Variants in SLC25A46 observed in about 807,000 individuals in gnomAD.
The protein encoded by SLC25A46 is mitochondrial outer membrane protein SLC25A46.
In SLC25A46, 39 loss-of-function variants were observed where a neutral mutation model predicts 44.6. The ratio of observed to expected loss-of-function variants is 0.87; its 90% CI spans 0.68 to 1.14. SLC25A46 has a LOEUF of 1.14. Ranked by LOEUF, SLC25A46 falls within the 50% of genes most tolerant of loss-of-function variation. The pLI is 0.00. For missense variants in SLC25A46, 547 were observed against 522.7 expected, an observed-to-expected ratio of 1.05 and a Z score of -0.45; for synonymous variants, 202 against 185.8, an observed-to-expected ratio of 1.09 and a Z score of -0.71.
chr5:110,744,671 G>T (rs1482586628), intron 3 of SLC25A46, among the ~76,000 whole-genome samples: 4 of 152,180 alleles, frequency 2.6e-5, no homozygotes, highest in African/African-American at 9.7e-5. Context: ...ATCATTGACA[G>T]TAAATACTGT....
At chr5:110,760,541 T>C (rs971410854) in intron 7 of SLC25A46, among the ~76,000 whole-genome samples, 2 of 152,188 alleles carry the variant, frequency 1.3e-5, no homozygotes, top group Non-Finnish European at 2.9e-5. Context: ...ATCTGCTACT[T>C]TCCTGCAGTC....
At chr5:110,746,088 A>C (rs1379116417) in intron 3 of SLC25A46, 181 bp from the exon 4 acceptor site, 2 of 563,318 alleles carry the variant, frequency 3.6e-6, no homozygotes, top group African/African-American at 2.0e-5. Context: ...ATAACCATAC[A>C]TACTGTACTT....
At position 110,748,243 on chromosome 5, in the gene SLC25A46, T is replaced by C. The variant is rs763065422; in HGVS notation, c.543T>C (p.Ser181=). The change falls in exon 5 of 8, where the codon AGT becomes AGC. Residue 181 remains serine (S), a synonymous_variant. Transcript: ENST00000355943. ...GVTLGAEGII[S]EFTPLPREVL... is the part of the protein sequence containing the mutation. ...CACTTGGAGCAGAAGGCATAATTAG[T>C]GAATTTACACCTTTGCCAAGGTACC... The C allele has an allele frequency of 8.7e-6, 14 of 1,613,274 alleles. 1 individual carries two copies. The South Asian group carries it at 1.5e-4, about 18-fold the overall frequency.
chr5:110,748,106 C>G (rs1294739532), intron 4 of SLC25A46, 57 bp from the exon 5 acceptor site: 1 of 1,205,294 alleles, frequency 8.3e-7, no homozygotes, highest in Non-Finnish European at 1.2e-6. Context: ...TTATTAAGAT[C>G]TTTTGTGTTT....
chr5:110,738,694 C>A, upstream of SLC25A46: 1 of 232,310 alleles, frequency 4.3e-6, no homozygotes, highest in South Asian at 5.3e-5. Flanking sequence ...GTAGCTGTGA[C>A]ATGGGGTATT....
At chr5:110,754,451 G>C (rs1580865314) in intron 5 of SLC25A46, 1 of 116,112 alleles carries the variant, frequency 8.6e-6, no homozygotes, top group Non-Finnish European at 1.8e-5. Flanking sequence ...CTTTTCTCTT[G>C]ATAGAACTTA....
intron 7 of SLC25A46, chr5:110,757,164 T>C (rs1187343790): frequency 6.5e-6 from 1 of 154,878 alleles, no homozygotes; most frequent in Non-Finnish European, 1.4e-5. Flanking sequence ...AGGAAGCAGG[T>C]TGTCCCCACA....
chr5:110,742,660 G>T lies in SLC25A46; in HGVS notation c.326+571G>T, dbSNP rs573137332. Among the ~76,000 whole-genome samples, 54 of 152,090 alleles carry T rather than the reference G, an allele frequency of 3.6e-4. No homozygotes were observed. The South Asian group carries it at 0.011, about 32-fold the overall frequency. ...CATTCTTTTCATGGGTCTATCCAAA[G>T]AATAAAATGAAATGTAATCTGTCTG... On this transcript the variant is annotated intron_variant, in intron 2 of 7. Transcript: ENST00000355943.
chr5:110,762,814 C>T lies in SLC25A46; in HGVS notation c.*1032C>T, dbSNP rs1388750448. ...TGCCTCTTGTCTAGTATATAGTCACCACTAAATAATGGCTTCCGTTTTTAT... is the reference window on the plus strand; with the variant it reads ...TGCCTCTTGTCTAGTATATAGTCACTACTAAATAATGGCTTCCGTTTTTAT... On this transcript the variant is annotated 3_prime_UTR_variant, in exon 8 of 8. Coordinates refer to ENST00000355943, the MANE Select transcript of SLC25A46 (RefSeq NM_138773.4). 6.6e-6 allele frequency: 1 copy of T among 151,796 alleles called. No individual in the cohort carries two copies. Among genetic ancestry groups the T allele is most frequent in the Non-Finnish European group, 1.5e-5 (1 of 67,886 alleles). The allele number at this position is 151,796 out of a possible 1,614,324, so 9.4% of individuals were successfully genotyped here.
chr5:110,749,253 A>T (rs1458938192), intron 5 of SLC25A46, among the ~76,000 whole-genome samples: 2 of 152,104 alleles, frequency 1.3e-5, no homozygotes, highest in Admixed American at 1.3e-4. Context: ...ATCTTTCAAT[A>T]AATGAAGTTT....
At chr5:110,745,260 TTTTG>T (rs1210523669) in intron 3 of SLC25A46, among the ~76,000 whole-genome samples, 2 of 152,050 alleles carry the variant, frequency 1.3e-5, no homozygotes, top group Non-Finnish European at 2.9e-5. Flanking sequence ...CACTTTTTTT[TTTTG>T]TTTGTTTGAG....
intron 7 of SLC25A46, among the ~76,000 whole-genome samples, chr5:110,757,907 T>C (rs1209824622): frequency 2.6e-5 from 4 of 152,194 alleles, no homozygotes; most frequent in African/African-American, 9.7e-5. Context: ...CCTGGGACTT[T>C]AGACAGATTT....
rs550009551 is a variant in SLC25A46 at position 110,764,742 on chromosome 5, T to C, written c.*2960T>C. ...GTGGAGGATTTTTGTCCACTGATCT[T>C]TTGCAACAGAAAAGCATACTTTGTC... On this transcript the variant is annotated 3_prime_UTR_variant, in exon 8 of 8. Transcript: ENST00000355943. 2 of 152,078 alleles carry C rather than the reference T, an allele frequency of 1.3e-5. No homozygotes were observed. Among genetic ancestry groups the C allele is most frequent in the Non-Finnish European group, 2.9e-5 (2 of 67,914 alleles). The allele number at this position is 152,078 out of a possible 1,614,324, so 9.4% of individuals were successfully genotyped here.
Position 110,761,629 on chromosome 5 carries a change from A to G in SLC25A46, c.1104A>G (p.Gly368=). Residue 368 remains glycine, a synonymous_variant, in exon 8 of 8, where the codon GGA becomes GGG. Transcript: ENST00000355943. This position sits in a 1 kb window ranked among gnomAD's most constrained non-coding sequence, Gnocchi z 5.3. ...TTCCAATTAATACACAATATGAGGG[A>G]ATGAGAGACTGTATCAATACCATAA... ...EVLPINTQYE[G]MRDCINTIRQ... 6.2e-7 allele frequency: 1 copy of G among 1,613,704 alleles called. No individual in the cohort carries two copies. Among genetic ancestry groups the G allele is most frequent in the Admixed American group, 1.7e-5 (1 of 59,958 alleles).
rs200502856 is a variant in SLC25A46 at position 110,758,781 on chromosome 5, T to TA, written c.678+2030dup. On this transcript the variant is annotated intron_variant, in intron 7 of 7. Coordinates refer to ENST00000355943, the MANE Select transcript of SLC25A46 (RefSeq NM_138773.4). The stretch of plus-strand genomic sequence containing the variant: ...TCGGTGACAGAGTAAGACTCTGTCT[T>TA]AAAAAAAATAAAAAAGAAAGAAAGA... 3.3e-3 allele frequency among the ~76,000 whole-genome samples: 502 copies of TA among 151,806 alleles called. 4 individuals carry two copies. Among genetic ancestry groups the TA allele is most frequent in the African/African-American group, 0.011 (476 of 41,392 alleles).
At chr5:110,757,936 C>T (rs778991364) in intron 7 of SLC25A46, among the ~76,000 whole-genome samples, 112 of 152,204 alleles carry the variant, frequency 7.4e-4, no homozygotes, top group Non-Finnish European at 1.3e-3. Context: ...TTATAATTTT[C>T]TTATCCATAA....
rs756983101 is a variant in SLC25A46 at position 110,756,713 on chromosome 5, T to C, written c.632T>C (p.Val211Ala). ...TTTAATTTCTATAGCCTAACTTACG[T>C]GGTGGCAATGCCTTTTTATTCAGCA... ...EHLLLKSLTY[V>A]VAMPFYSASL... Residue 211 changes from valine (V) to alanine (A), a missense_variant, in exon 7 of 8, where the codon GTG becomes GCG. Transcript: ENST00000355943. 18 of 1,574,876 alleles carry C rather than the reference T, an allele frequency of 1.1e-5. No individual in the cohort carries two copies. The highest frequency in any genetic ancestry group is 1.5e-5 in the Non-Finnish European group (18 of 1,166,558).
chr5:110,761,526 T>C lies in SLC25A46; in HGVS notation c.1001T>C (p.Leu334Ser). ...SLCSDVILYPLETVLHRLHIQ... is the reference protein window; with the variant it reads ...SLCSDVILYPSETVLHRLHIQ... ...TGTTCTGACGTTATACTTTACCCAT[T>C]GGAAACAGTTTTGCACCGCCTTCAC... Residue 334 changes from leucine to serine, a missense_variant, in exon 8 of 8, where the codon TTG (leucine) becomes TCG (serine). Physicochemically the swap from Leu to Ser is moderately radical, Grantham distance 145. Transcript: ENST00000355943. This position sits in a 1 kb window ranked among gnomAD's most constrained non-coding sequence, Gnocchi z 5.3. 3.1e-6 allele frequency: 5 copies of C among 1,613,858 alleles called. No individual in the cohort carries two copies. Among genetic ancestry groups the C allele is most frequent in the Non-Finnish European group, 4.2e-6 (5 of 1,179,836 alleles).
chr5:110,746,071 T>C, intron 3 of SLC25A46, 198 bp from the exon 4 acceptor site: 1 of 515,428 alleles, frequency 1.9e-6, no homozygotes, highest in East Asian at 3.7e-5. Context: ...CTTCAGATTG[T>C]ATTTATATAA....
Sources: gnomAD v4.1 joint callset for allele counts (sites outside exome capture counted in the v4.1 genomes callset) on GRCh38, gnomAD v4.1.1 for gene constraint, Gnocchi (gnomAD v3.1) non-coding constraint, MANE v1.5 for transcripts, NCBI Gene and HGNC (gene_info 2026-07-23, HGNC 2026-07-21) for gene names.